Variants in NUP93 observed in about 807,000 individuals in gnomAD.
NUP93 encodes the protein nuclear pore complex protein Nup93.
In NUP93, 55 loss-of-function variants were observed where a neutral mutation model predicts 107.8. The observed-to-expected ratio is 0.51, with a 90% CI of 0.41 to 0.64. NUP93 has a LOEUF of 0.64. Among genes scored for constraint, NUP93 ranks in the 30% least tolerant of loss-of-function variants. NUP93 has a pLI of 0.00. For missense variants in NUP93, 937 were observed against 1,044.7 expected (o/e 0.90, Z 1.42); for synonymous variants, 390 against 397.5 (o/e 0.98, Z 0.22).
intron 7 of NUP93, among the ~76,000 whole-genome samples, chr16:56,823,497 G>T (rs1963591993): frequency 6.6e-6 from 1 of 152,176 alleles, no homozygotes; most frequent in Non-Finnish European, 1.5e-5. Flanking sequence ...CAGGGCAGGG[G>T]CAGGGGTGCT....
intron 3 of NUP93, among the ~76,000 whole-genome samples, chr16:56,772,208 C>A (rs1962335016): frequency 6.6e-6 from 1 of 152,092 alleles, no homozygotes; most frequent in South Asian, 2.1e-4. Flanking sequence ...GGATAAAGAA[C>A]ATGGTTGGGT....
chr16:56,735,518 A>G (rs1214150055), intron 1 of NUP93, among the ~76,000 whole-genome samples: 3 of 152,172 alleles, frequency 2.0e-5, no homozygotes, highest in African/African-American at 7.2e-5. Flanking sequence ...GGAGCCAGTG[A>G]GGTTTTTTGA....
At chr16:56,813,852 G>A (rs1166422326) in intron 5 of NUP93, among the ~76,000 whole-genome samples, 3 of 152,128 alleles carry the variant, frequency 2.0e-5, no homozygotes, top group African/African-American at 4.8e-5. Flanking sequence ...TAGTGTTCCA[G>A]CCTATGTGTG....
At chr16:56,794,086 GTAGGTAGATAGA>G (rs200013369) in intron 3 of NUP93, among the ~76,000 whole-genome samples, 4,636 of 135,592 alleles carry the variant, frequency 0.034, 108 homozygotes, top group Admixed American at 0.083. Context: ...AGGTAGGTAG[GTAGGTAGATAGA>G]TAGATAGATA....
chr16:56,786,614 G>A (rs371713478), intron 3 of NUP93, among the ~76,000 whole-genome samples: 2 of 152,320 alleles, frequency 1.3e-5, no homozygotes, highest in African/African-American at 4.8e-5. Flanking sequence ...AAGATGATAA[G>A]CATTTATAAA....
At chr16:56,748,492 C>T in intron 2 of NUP93, 66 bp downstream of exon 2, 1 of 1,367,226 alleles carries the variant, frequency 7.3e-7, no homozygotes, top group South Asian at 1.4e-5. Flanking sequence ...TTTCTTCTTT[C>T]CTGCCTTGAA....
At chr16:56,777,774 C>T (rs1253239971) in intron 3 of NUP93, among the ~76,000 whole-genome samples, 4 of 152,166 alleles carry the variant, frequency 2.6e-5, no homozygotes, top group African/African-American at 7.2e-5. Context: ...GAGCTTAGTG[C>T]CTCGGTACAT....
In NUP93 at chr16:56,748,254, A is replaced by G; in HGVS notation, c.7A>G (p.Thr3Ala). The G allele has an allele frequency of 6.2e-7, 1 of 1,609,980 alleles. No individual in the cohort carries two copies. The highest frequency in any genetic ancestry group is 1.1e-5 in the South Asian group (1 of 90,862). Residue 3 changes from threonine (T) to alanine (A), a missense_variant, in exon 2 of 22, where the codon ACT becomes GCT. Coordinates refer to ENST00000308159, the MANE Select transcript of NUP93 (RefSeq NM_014669.5). Reference protein sequence around the residue: MDTEGFGELLQQA... With the variant: MDAEGFGELLQQA... ...TCTAGGATCTGCATCTCCAATGGAT[A>G]CTGAGGGGTTTGGTGAGCTCCTTCA...
At chr16:56,839,332 A>C (rs1963976065) in intron 19 of NUP93, 189 bp from the exon 20 acceptor site, 1 of 470,678 alleles carries the variant, frequency 2.1e-6, no homozygotes. Context: ...AGAATTTTAA[A>C]AATTGTGTCA....
chr16:56,792,741 A>G (rs932265468), intron 3 of NUP93, among the ~76,000 whole-genome samples: 3 of 152,220 alleles, frequency 2.0e-5, no homozygotes. Flanking sequence ...CTGAGCCTCA[A>G]CTTTATTGTT....
At chr16:56,764,561 C>CGA (rs1476841711) in intron 3 of NUP93, among the ~76,000 whole-genome samples, 4 of 152,170 alleles carry the variant, frequency 2.6e-5, no homozygotes, top group Non-Finnish European at 5.9e-5. Flanking sequence ...TTTTTATAGT[C>CGA]TATCTTTTAG....
chr16:56,834,658 CTT>C, intron 15 of NUP93, 74 bp from the exon 16 acceptor site: 3 of 1,381,432 alleles, frequency 2.2e-6, no homozygotes, highest in Non-Finnish European at 3.1e-6. Context: ...TGATTCCCCT[CTT>C]TTTTCTCTGA....
At chr16:56,804,829 C>T (rs1156759312) in intron 4 of NUP93, among the ~76,000 whole-genome samples, 4 of 150,724 alleles carry the variant, frequency 2.7e-5, no homozygotes, top group African/African-American at 4.9e-5. Flanking sequence ...TCACTTGAAC[C>T]GTGGAGGCGG....
At chr16:56,798,410 C>A in intron 3 of NUP93, 66 bp from the exon 4 acceptor site, 1 of 1,343,230 alleles carries the variant, frequency 7.4e-7, no homozygotes, top group Non-Finnish European at 1.1e-6. Context: ...TATTGTTTGC[C>A]CTGCAGTATA....
chr16:56,788,947 A>G (rs1962691891), intron 3 of NUP93, among the ~76,000 whole-genome samples: 1 of 151,792 alleles, frequency 6.6e-6, no homozygotes, highest in African/African-American at 2.4e-5. Flanking sequence ...GGTGAGTCCC[A>G]CCTCTTAATT....
At chr16:56,815,937 A>G (rs1437338937) in intron 5 of NUP93, among the ~76,000 whole-genome samples, 9 of 96,850 alleles carry the variant, frequency 9.3e-5, no homozygotes, top group East Asian at 2.3e-4. Flanking sequence ...TGCTACCACT[A>G]CTACTACTAC....
intron 3 of NUP93, among the ~76,000 whole-genome samples, chr16:56,770,879 C>G (rs1002599559): frequency 6.6e-6 from 1 of 151,068 alleles, no homozygotes; most frequent in Non-Finnish European, 1.5e-5. Flanking sequence ...CTAGCTAACA[C>G]GGTGAAACCC....
Position 56,844,750 on chromosome 16 carries a change from ATTTCT to A in NUP93, c.*144_*148del, listed in dbSNP as rs1269916583. ...TATGTATTTTTGTCAACGCCAATAA[ATTTCT>A]TTGATTTGTATTTCTTTTCAACATT... On this transcript the variant is annotated 3_prime_UTR_variant, in exon 22 of 22. Transcript: ENST00000308159. 1 of 405,882 alleles carries A rather than the reference ATTTCT, an allele frequency of 2.5e-6. No individual in the cohort carries two copies. The highest frequency in any genetic ancestry group is 4.3e-6 in the Non-Finnish European group (1 of 231,184). The allele number at this position is 405,882 out of a possible 1,614,324, so 25.1% of individuals were successfully genotyped here. A position where few individuals can be genotyped will look rare whatever the true frequency, so the allele number is the denominator to read the frequency against.
At chr16:56,776,592 G>A (rs1408029378) in intron 3 of NUP93, among the ~76,000 whole-genome samples, 1 of 152,156 alleles carries the variant, frequency 6.6e-6, no homozygotes, top group Admixed American at 6.5e-5. Flanking sequence ...CAATCAACCT[G>A]GCAAGAAATA....
Sources: allele counts gnomAD v4.1 joint callset (sites outside exome capture counted in the v4.1 genomes callset), GRCh38; gene constraint gnomAD v4.1.1; transcripts MANE v1.5; gene names NCBI Gene and HGNC (gene_info 2026-07-23, HGNC 2026-07-21).